The following MCC variants were observed in gnomAD, a reference collection of about 807,000 sequenced individuals.
MCC encodes the protein colorectal mutant cancer protein.
Under a neutral mutation model 116.2 loss-of-function variants are expected in MCC, and 90 were observed. The observed-to-expected ratio is 0.77, with a 90% CI of 0.65 to 0.92. The LOEUF (loss-of-function observed/expected upper bound fraction) is 0.92. MCC is among the 40% of genes least tolerant of loss of function. The probability of loss-of-function intolerance (pLI) is 0.00; values close to 1 mark genes in which losing one functional copy is unlikely to be tolerated. For synonymous variants in MCC, 578 were observed against 510.5 expected (o/e 1.13, Z -1.78); for missense variants, 1,516 against 1,312.2 (o/e 1.16, Z -2.40).
intron 2 of MCC, among the ~76,000 whole-genome samples, chr5:113,380,692 A>C (rs1769095609): frequency 6.6e-6 from 1 of 152,252 alleles, no homozygotes; most frequent in Admixed American, 6.5e-5. Context: ...ATGTCAGATA[A>C]GGGTGAGTGG....
chr5:113,222,280 A>C (rs1763579498), intron 3 of MCC, among the ~76,000 whole-genome samples: 1 of 152,122 alleles, frequency 6.6e-6, no homozygotes, highest in South Asian at 2.1e-4. Flanking sequence ...CTTTGTCATG[A>C]TGTATTATCA....
At chr5:113,273,617 G>C (rs917224030) in intron 3 of MCC, among the ~76,000 whole-genome samples, 4 of 152,178 alleles carry the variant, frequency 2.6e-5, no homozygotes, top group Admixed American at 6.5e-5. Context: ...ATTTAGATGT[G>C]TGTGTGTAGA....
rs1380249940 is a variant in MCC at position 113,024,228 on chromosome 5, C to CTAGT, written c.*3070_*3073dup. The CTAGT allele has an allele frequency of 6.6e-6, 1 of 152,034 alleles. No homozygotes were observed. The highest frequency in any genetic ancestry group is 2.4e-5 in the African/African-American group (1 of 41,492). The allele number at this position is 152,034 out of a possible 1,614,324, so 9.4% of individuals were successfully genotyped here. A position where few individuals can be genotyped will look rare whatever the true frequency, so the allele number is the denominator to read the frequency against. ...ATTAAGCAATTTTAAAAGTTAAGTG[C>CTAGT]TAGTTAAACATAACATTTGTTTCAG... On this transcript the variant is annotated 3_prime_UTR_variant, in exon 19 of 19. Transcript: ENST00000408903.
At position 113,056,520 on chromosome 5, in the gene MCC, T is replaced by A. The variant is rs534080847; in HGVS notation, c.2214-2561A>T. The stretch of plus-strand genomic sequence containing the variant: ...TTCTTACTTATAAGTTGGAGCTAAA[T>A]GATGAGAACACATGAACACAAAGAG... On this transcript the variant is annotated intron_variant, in intron 14 of 18. Coordinates refer to ENST00000408903, the MANE Select transcript of MCC (RefSeq NM_001085377.2). Among the ~76,000 whole-genome samples, 28 of 152,284 alleles carry A rather than the reference T, an allele frequency of 1.8e-4. No homozygotes were observed. The East Asian group carries it at 4.0e-3, about 22-fold the overall frequency.
intron 1 of MCC, among the ~76,000 whole-genome samples, chr5:113,460,311 T>C (rs914896360): frequency 6.6e-6 from 1 of 152,122 alleles, no homozygotes; most frequent in Non-Finnish European, 1.5e-5. Flanking sequence ...TGAGGCACCT[T>C]TTCGGTGGGG....
chr5:113,100,268 C>G (rs903869392), intron 8 of MCC, among the ~76,000 whole-genome samples: 1 of 152,134 alleles, frequency 6.6e-6, no homozygotes, highest in South Asian at 2.1e-4. Context: ...GAGTTGATAA[C>G]ATTCAAAAAT....
chr5:113,482,874 ATAGT>A (rs1772415043), intron 1 of MCC, among the ~76,000 whole-genome samples: 3 of 152,294 alleles, frequency 2.0e-5, no homozygotes, highest in South Asian at 2.1e-4. Context: ...TAAAAGTTTA[ATAGT>A]TATAGTTCTT....
intron 3 of MCC, among the ~76,000 whole-genome samples, chr5:113,274,097 G>T (rs898133620): frequency 7.2e-5 from 11 of 152,198 alleles, no homozygotes; most frequent in Non-Finnish European, 1.6e-4. Context: ...GGGACCTCCA[G>T]AAGCTCATCA....
chr5:113,070,811 T>A (rs1427322244), intron 12 of MCC, among the ~76,000 whole-genome samples: 1 of 152,170 alleles, frequency 6.6e-6, no homozygotes, highest in African/African-American at 2.4e-5. Context: ...TGAATAAAGA[T>A]CTGCAAGAAG....
intron 3 of MCC, among the ~76,000 whole-genome samples, chr5:113,236,410 G>C (rs1205121205): frequency 6.6e-6 from 1 of 152,156 alleles, no homozygotes; most frequent in Admixed American, 6.5e-5. Flanking sequence ...TGGGCTCTTG[G>C]AACCACACTC....
chr5:113,200,324 A>C (rs1762621153), intron 3 of MCC, among the ~76,000 whole-genome samples: 1 of 152,230 alleles, frequency 6.6e-6, no homozygotes, highest in Admixed American at 6.5e-5. Context: ...AGCAACAGGC[A>C]GGTACAGTTT....
At chr5:113,156,015 T>C (rs1760150487) in intron 3 of MCC, among the ~76,000 whole-genome samples, 1 of 152,174 alleles carries the variant, frequency 6.6e-6, no homozygotes, top group African/African-American at 2.4e-5. Context: ...ATCCTTGCTG[T>C]TTGGTATCTT....
At chr5:113,039,301 G>C (rs556722671) in intron 17 of MCC, among the ~76,000 whole-genome samples, 1 of 152,260 alleles carries the variant, frequency 6.6e-6, no homozygotes, top group South Asian at 2.1e-4. Context: ...CTCCTGCCTT[G>C]GCCTCCCCAG....
chr5:113,127,682 C>T (rs4705786), intron 5 of MCC, among the ~76,000 whole-genome samples: 77,216 of 151,730 alleles, frequency 0.51, 21,349 homozygotes, highest in East Asian at 0.72. Flanking sequence ...CTTTGCCCGC[C>T]TTTTAATGGG....
At chr5:113,411,222 AAC>A (rs36182873) in intron 1 of MCC, among the ~76,000 whole-genome samples, 26,027 of 151,978 alleles carry the variant, frequency 0.17, 2,589 homozygotes, top group Admixed American at 0.3. Flanking sequence ...CACTCCCACC[AAC>A]AGAGTAAAAA....
intron 3 of MCC, among the ~76,000 whole-genome samples, chr5:113,314,385 C>T (rs12110055): frequency 0.028 from 4,239 of 152,248 alleles, 206 homozygotes; most frequent in African/African-American, 0.096. Context: ...CATTTCCCTG[C>T]AGGTCCTGAG....
At chr5:113,077,418 T>C (rs1754533204) in intron 11 of MCC, among the ~76,000 whole-genome samples, 1 of 152,186 alleles carries the variant, frequency 6.6e-6, no homozygotes, top group African/African-American at 2.4e-5. Context: ...AAAGCACTCC[T>C]CAGCAAATGG....
At chr5:113,166,606 G>A (rs983083675) in intron 3 of MCC, among the ~76,000 whole-genome samples, 1 of 147,256 alleles carries the variant, frequency 6.8e-6, no homozygotes, top group Non-Finnish European at 1.5e-5. Context: ...TCGTAATAGA[G>A]TTTAAATGCA....
chr5:113,069,338 T>C (rs768209917), intron 12 of MCC, among the ~76,000 whole-genome samples: 5 of 152,386 alleles, frequency 3.3e-5, no homozygotes, highest in African/African-American at 4.8e-5. Flanking sequence ...CCAACATTCA[T>C]TGGGCAAACA....
Sources: gnomAD v4.1 joint callset for allele counts (sites outside exome capture counted in the v4.1 genomes callset) on GRCh38, gnomAD v4.1.1 for gene constraint, MANE v1.5 for transcripts, NCBI Gene and HGNC (gene_info 2026-07-23, HGNC 2026-07-21) for gene names.